The following BRWD3 variants were observed in gnomAD, a reference collection of about 807,000 sequenced individuals.
BRWD3 encodes the protein bromodomain and WD repeat domain containing 3, also known as bromodomain and WD repeat-containing protein 3.
In BRWD3, 10 loss-of-function variants were observed where a neutral mutation model predicts 149.7. The observed-to-expected ratio is 0.07, with a 90% confidence interval of 0.04 to 0.11. The LOEUF is 0.11. Among genes scored for constraint, BRWD3 ranks in the 10% least tolerant of loss-of-function variants. The pLI is 1.00. For missense variants in BRWD3, 940 were observed against 1,373.2 expected (o/e 0.68, Z 4.99); for synonymous variants, 504 against 456.7 (o/e 1.10, Z -1.32).
At chrX:80,691,267 G>T in intron 30 of BRWD3, 94 bp from the exon 31 acceptor site, 1 of 916,278 alleles carries the variant, frequency 1.1e-6, no homozygotes, top group Non-Finnish European at 1.5e-6. Context: ...AGAAGGGAGG[G>T]TGATATACTA....
intron 4 of BRWD3, among the ~76,000 whole-genome samples, chrX:80,797,947 T>C (rs780007603): frequency 1.4e-4 from 15 of 109,045 alleles, no homozygotes; most frequent in Non-Finnish European, 2.1e-4. Flanking sequence ...TACAAAAAAT[T>C]AGCTGGGTCT....
intron 15 of BRWD3, among the ~76,000 whole-genome samples, chrX:80,724,375 T>C (rs1184966095): frequency 6.3e-5 from 7 of 111,696 alleles, no homozygotes; most frequent in African/African-American, 2.3e-4. Flanking sequence ...ATGAGAATTA[T>C]TCTTAAGAGG....
At chrX:80,705,495 A>G (rs1354983831) in intron 22 of BRWD3, among the ~76,000 whole-genome samples, 1 of 111,377 alleles carries the variant, frequency 9.0e-6, no homozygotes, top group Non-Finnish European at 1.9e-5. Context: ...ATAAATACAT[A>G]TACAGTCATA....
At chrX:80,775,213 C>T (rs755940029) in intron 6 of BRWD3, among the ~76,000 whole-genome samples, 3 of 111,706 alleles carry the variant, frequency 2.7e-5, no homozygotes, top group South Asian at 7.4e-4. Flanking sequence ...AAGCCAAAAA[C>T]ATTTACTATC....
At chrX:80,797,263 A>G in intron 4 of BRWD3, among the ~76,000 whole-genome samples, 1 of 111,788 alleles carries the variant, frequency 8.9e-6, no homozygotes, top group South Asian at 3.7e-4. Flanking sequence ...GTTATCAGCC[A>G]TTATTTTTTC....
chrX:80,739,873 A>C (rs180974863), intron 8 of BRWD3, among the ~76,000 whole-genome samples: 2 of 112,250 alleles, frequency 1.8e-5, no homozygotes, highest in African/African-American at 6.5e-5. Flanking sequence ...ATTGCACTGC[A>C]TTCACCTATT....
At chrX:80,702,031 G>A (rs944163352) in intron 24 of BRWD3, among the ~76,000 whole-genome samples, 3 of 111,876 alleles carry the variant, frequency 2.7e-5, no homozygotes, top group African/African-American at 9.7e-5. Context: ...GTTAGTATTT[G>A]AATTAGACCT....
rs1415962225 is a variant in BRWD3 at position 80,686,945 on chromosome X, TG to T, written c.3922del (p.Gln1308AsnfsTer6). The T allele has an allele frequency of 8.3e-7, 1 of 1,207,856 alleles. No individual in the cohort carries two copies. The highest frequency in any genetic ancestry group is 1.1e-6 in the Non-Finnish European group (1 of 893,964). ...AATGAGGCTCAATAGTTCCTTGCAT[TG>T]TTTTTTCCAAGCATCAGGATTACAC... ...LKCNPDAWKK[Q>X]CKELLSLIYE... On this transcript the variant is annotated frameshift_variant, in exon 35 of 41. Transcript: ENST00000373275. LOFTEE classifies it high-confidence loss of function.
chrX:80,738,001 G>A (rs1346698982), intron 8 of BRWD3, among the ~76,000 whole-genome samples: 1 of 112,664 alleles, frequency 8.9e-6, no homozygotes, highest in Non-Finnish European at 1.9e-5. Flanking sequence ...GAGCTGAGCA[G>A]TTGTGACAGA....
intron 6 of BRWD3, among the ~76,000 whole-genome samples, chrX:80,750,301 C>T (rs1214253862): frequency 9.0e-6 from 1 of 110,688 alleles, no homozygotes; most frequent in Non-Finnish European, 1.9e-5. Context: ...ACAGATGATA[C>T]AACTCACAGA....
At chrX:80,707,631 G>A (rs1176294783) in intron 21 of BRWD3, 128 bp from the exon 22 acceptor site, 17 of 584,416 alleles carry the variant, frequency 2.9e-5, no homozygotes, top group South Asian at 8.3e-5. Context: ...TTCTTAAAAC[G>A]CACATAATTA....
At chrX:80,716,136 G>A (rs950890281) in intron 20 of BRWD3, 21 bp downstream of exon 20, 11 of 1,134,297 alleles carry the variant, frequency 9.7e-6, no homozygotes, top group Admixed American at 4.4e-5. Flanking sequence ...GTATCCCAAA[G>A]TATTGTAAAA....
In BRWD3 at chrX:80,809,804, ACGCGGG is replaced by A. The variant is rs2074394678; in HGVS notation, c.-339_-334del. 6.2e-5 allele frequency: 2 copies of A among 32,490 alleles called. No homozygotes were observed. The highest frequency in any genetic ancestry group is 4.5e-4 in the Admixed American group (1 of 2,218). The allele number at this position is 32,490 out of a possible 1,213,427, so 2.7% of individuals were successfully genotyped here. A position where few individuals can be genotyped will look rare whatever the true frequency, so the allele number is the denominator to read the frequency against. ...GAGAGAGAGAGAGAGAGAGAGAGAG[ACGCGGG>A]GGGTGGGGGGGCGGAGAGAGAGAGA... On this transcript the variant is annotated 5_prime_UTR_variant, in exon 1 of 41. Transcript: ENST00000373275.
chrX:80,711,117 T>C (rs760875709), intron 20 of BRWD3, among the ~76,000 whole-genome samples: 1 of 112,189 alleles, frequency 8.9e-6, no homozygotes, highest in East Asian at 2.8e-4. Context: ...CATATGTGTA[T>C]ATATAATGTG....
intron 6 of BRWD3, among the ~76,000 whole-genome samples, chrX:80,749,976 G>T (rs1194751122): frequency 1.8e-5 from 2 of 111,629 alleles, no homozygotes; most frequent in Non-Finnish European, 3.8e-5. Flanking sequence ...TAGATTCCAA[G>T]AACACACAAT....
chrX:80,748,567 C>T (rs1168510026), intron 6 of BRWD3, among the ~76,000 whole-genome samples: 4 of 112,053 alleles, frequency 3.6e-5, no homozygotes, highest in Non-Finnish European at 7.5e-5. Flanking sequence ...AATCTCATTA[C>T]TTGTTATTTG....
At chrX:80,728,155 T>C (rs1456594044) in intron 14 of BRWD3, among the ~76,000 whole-genome samples, 1 of 111,832 alleles carries the variant, frequency 8.9e-6, no homozygotes, top group Non-Finnish European at 1.9e-5. Flanking sequence ...TGCTTATGAA[T>C]TGATAGTTGA....
At chrX:80,712,394 G>A (rs1235321225) in intron 20 of BRWD3, among the ~76,000 whole-genome samples, 1 of 110,135 alleles carries the variant, frequency 9.1e-6, no homozygotes, top group Admixed American at 9.5e-5. Context: ...CGAGTGATCC[G>A]CAAGCCTCGG....
intron 20 of BRWD3, chrX:80,709,928 T>C (rs1602333506): frequency 2.2e-6 from 2 of 890,613 alleles, no homozygotes; most frequent in East Asian, 6.3e-5. Flanking sequence ...TGGAACCACA[T>C]TTAGAAACCA....
Sources: gnomAD v4.1 joint callset for allele counts (sites outside exome capture counted in the v4.1 genomes callset) on GRCh38, gnomAD v4.1.1 for gene constraint, MANE v1.5 for transcripts, NCBI Gene and HGNC (gene_info 2026-07-23, HGNC 2026-07-21) for gene names.